Variants in FRYL observed in about 807,000 individuals in gnomAD.
The protein encoded by FRYL is FRY like transcription coactivator.
Under a neutral mutation model 351.2 loss-of-function variants are expected in FRYL, and 150 were observed. The ratio of observed to expected loss-of-function variants is 0.43; its 90% CI spans 0.37 to 0.49. The LOEUF is 0.49. Ranked by LOEUF, FRYL falls within the 20% of genes least tolerant of loss-of-function variation. The pLI is 0.00. For missense variants in FRYL, 3,036 were observed against 3,619.3 expected, an observed-to-expected ratio of 0.84 and a Z score of 4.13; for synonymous variants, 1,153 against 1,257.1, an observed-to-expected ratio of 0.92 and a Z score of 1.75.
intron 33 of FRYL, among the ~76,000 whole-genome samples, chr4:48,558,832 A>G (rs1734743337): frequency 6.6e-6 from 1 of 152,244 alleles, no homozygotes; most frequent in South Asian, 2.1e-4. Flanking sequence ...TCAAACCACA[A>G]GGACAATTCC....
chr4:48,686,009 G>GAGCCACCTTGCCT (rs1765121405), intron 2 of FRYL, among the ~76,000 whole-genome samples: 1 of 152,104 alleles, frequency 6.6e-6, no homozygotes, highest in African/African-American at 2.4e-5. Context: ...CCTAAAGGCT[G>GAGCCACCTTGCCT]GGATTACAGG....
chr4:48,500,280 G>T, intron 62 of FRYL, 60 bp from the exon 63 acceptor site: 1 of 1,073,824 alleles, frequency 9.3e-7, no homozygotes, highest in Non-Finnish European at 1.3e-6. Context: ...ACATTTAGTT[G>T]GCTACAAGAA....
intron 1 of FRYL, 96 bp from the exon 2 acceptor site, chr4:48,710,794 G>A: frequency 2.6e-6 from 1 of 389,578 alleles, no homozygotes; most frequent in Non-Finnish European, 4.5e-6. Context: ...CTAATCAAAA[G>A]TCTGCAAGTT....
chr4:48,737,781 G>A (rs974501219), intron 1 of FRYL, among the ~76,000 whole-genome samples: 1 of 152,000 alleles, frequency 6.6e-6, no homozygotes, highest in Non-Finnish European at 1.5e-5. Flanking sequence ...CTACAACCAA[G>A]GTATTTATCC....
At chr4:48,711,050 G>A (rs1026267475) in intron 1 of FRYL, among the ~76,000 whole-genome samples, 7 of 152,210 alleles carry the variant, frequency 4.6e-5, no homozygotes, top group Non-Finnish European at 7.3e-5. Flanking sequence ...CAACATGGAT[G>A]AATCCTAAAA....
At chr4:48,736,850 G>GAAAAAAAAAAAAAAA (rs368006420) in intron 1 of FRYL, among the ~76,000 whole-genome samples, 86 of 40,428 alleles carry the variant, frequency 2.1e-3, no homozygotes, top group Non-Finnish European at 2.5e-3. Flanking sequence ...ACTCTGTCTC[G>GAAAAAAAAAAAAAAA]AAAAAAAAAA....
intron 26 of FRYL, among the ~76,000 whole-genome samples, chr4:48,572,774 CA>C (rs1433643274): frequency 3.3e-5 from 5 of 152,176 alleles, no homozygotes; most frequent in African/African-American, 1.2e-4. Context: ...TCCCATGGGC[CA>C]AATCTGGCCC....
At chr4:48,675,398 C>T (rs780645585) in intron 3 of FRYL, among the ~76,000 whole-genome samples, 25 of 152,336 alleles carry the variant, frequency 1.6e-4, no homozygotes, top group Admixed American at 1.4e-3. Context: ...AGCTGGAGTT[C>T]CGGGTGGGCG....
intron 60 of FRYL, among the ~76,000 whole-genome samples, 178 bp from the exon 61 acceptor site, chr4:48,503,023 A>ACTGC (rs1177531245): frequency 1.3e-5 from 2 of 152,224 alleles, no homozygotes; most frequent in East Asian, 3.8e-4. Flanking sequence ...TTAGACATTT[A>ACTGC]CTGCAACGAT....
chr4:48,579,831 T>C (rs1740478758), intron 22 of FRYL, among the ~76,000 whole-genome samples: 1 of 152,180 alleles, frequency 6.6e-6, no homozygotes, highest in African/African-American at 2.4e-5. Flanking sequence ...TTGAATTGTA[T>C]AGATCCTTTC....
chr4:48,756,101 C>T (rs1773743807), intron 1 of FRYL, among the ~76,000 whole-genome samples: 1 of 151,754 alleles, frequency 6.6e-6, no homozygotes, highest in African/African-American at 2.4e-5. Flanking sequence ...TGCGTGGTGG[C>T]ACATGCCTGT....
chr4:48,779,070 C>A (rs1776342324), intron 1 of FRYL, among the ~76,000 whole-genome samples: 1 of 150,626 alleles, frequency 6.6e-6, no homozygotes. Flanking sequence ...CATTGCAAAT[C>A]CACAAAAATG....
chr4:48,574,576 A>G (rs1039220907), intron 25 of FRYL: 3 of 152,246 alleles, frequency 2.0e-5, no homozygotes, highest in African/African-American at 7.2e-5. Flanking sequence ...AACATCAGAT[A>G]CCATTCTCAT....
chr4:48,530,748 A>C (rs1286197888), intron 50 of FRYL, among the ~76,000 whole-genome samples: 1 of 152,096 alleles, frequency 6.6e-6, no homozygotes, highest in African/African-American at 2.4e-5. Context: ...TCCCCTCCCC[A>C]AACTGCCATA....
chr4:48,713,018 C>G (rs1008199210), intron 1 of FRYL, among the ~76,000 whole-genome samples: 1 of 152,046 alleles, frequency 6.6e-6, no homozygotes, highest in African/African-American at 2.4e-5. Context: ...ACTTTACAGA[C>G]AAGCAAATGC....
intron 1 of FRYL, among the ~76,000 whole-genome samples, chr4:48,724,889 G>T (rs1247828483): frequency 6.6e-6 from 1 of 152,180 alleles, no homozygotes; most frequent in Non-Finnish European, 1.5e-5. Context: ...TCCATGTTGA[G>T]ATGGAACCTA....
intron 53 of FRYL, among the ~76,000 whole-genome samples, chr4:48,525,228 A>AAT (rs1725844985): frequency 6.7e-6 from 1 of 149,716 alleles, no homozygotes; most frequent in Non-Finnish European, 1.5e-5. Flanking sequence ...AAAATGTATT[A>AAT]ACTGTGGATT....
In FRYL at chr4:48,523,050, T is replaced by C; in HGVS notation, c.7372A>G (p.Ile2458Val). ...AGGGATGGAGTGTCCCCTTTGTCAA[T>C]ACTGTCCAGTGAGCGCCTGCGAACT... ...WGVRRRSLDS[I>V]DKGDTPSLQE... The change falls in exon 54 of 64, where the codon ATT becomes GTT. Residue 2458 changes from isoleucine to valine, a missense_variant. By Grantham distance (29) the Ile-to-Val change is conservative (BLOSUM62 3). Coordinates refer to ENST00000358350, the MANE Select transcript of FRYL (RefSeq NM_015030.2). The C allele has an allele frequency of 6.2e-7, 1 of 1,613,930 alleles. No homozygotes were observed. The highest frequency in any genetic ancestry group is 8.5e-7 in the Non-Finnish European group (1 of 1,179,914).
At chr4:48,517,729 A>G (rs1374684027) in intron 55 of FRYL, among the ~76,000 whole-genome samples, 2 of 152,230 alleles carry the variant, frequency 1.3e-5, no homozygotes, top group Admixed American at 6.5e-5. Context: ...ACTCAGCTCT[A>G]AAGTTTGTCA....
Sources: gnomAD v4.1 joint callset for allele counts (sites outside exome capture counted in the v4.1 genomes callset) on GRCh38, gnomAD v4.1.1 for gene constraint, MANE v1.5 for transcripts, NCBI Gene and HGNC (gene_info 2026-07-23, HGNC 2026-07-21) for gene names.